The following SLC10A7 variants were observed in gnomAD, a reference collection of about 807,000 sequenced individuals.
SLC10A7 encodes the protein sodium/bile acid cotransporter 7.
SLC10A7 carries 29 observed loss-of-function variants against 43.2 expected under a neutral mutation model. The ratio of observed to expected loss-of-function variants is 0.67; its 90% CI spans 0.50 to 0.92. SLC10A7 has a LOEUF of 0.92. Ranked by LOEUF, SLC10A7 falls within the 40% of genes least tolerant of loss-of-function variation. The probability of loss-of-function intolerance (pLI) is 0.00; values close to 1 mark genes in which losing one functional copy is unlikely to be tolerated. For synonymous variants in SLC10A7, 152 were observed against 144.8 expected, an observed-to-expected ratio of 1.05 and a Z score of -0.35; for missense variants, 295 against 403.2, an observed-to-expected ratio of 0.73 and a Z score of 2.30.
chr4:146,459,949 A>G (rs1732392338), intron 4 of SLC10A7, among the ~76,000 whole-genome samples: 1 of 151,972 alleles, frequency 6.6e-6, no homozygotes, highest in Admixed American at 6.6e-5. Flanking sequence ...TGCAGAATAT[A>G]TTTTTAAAAC....
At chr4:146,495,169 T>C (rs1735776332) in intron 4 of SLC10A7, among the ~76,000 whole-genome samples, 1 of 152,182 alleles carries the variant, frequency 6.6e-6, no homozygotes, top group South Asian at 2.1e-4. Flanking sequence ...TCTGCCAGCT[T>C]GCAAGAAGGC....
chr4:146,354,190 T>A (rs1735375160), intron 5 of SLC10A7, among the ~76,000 whole-genome samples: 1 of 147,864 alleles, frequency 6.8e-6, no homozygotes, highest in Admixed American at 6.7e-5. Context: ...TTCAGCAAAG[T>A]CTCAGGATAC....
intron 9 of SLC10A7, among the ~76,000 whole-genome samples, chr4:146,288,714 C>T (rs189244925): frequency 6.6e-6 from 1 of 152,286 alleles, no homozygotes; most frequent in East Asian, 1.9e-4. Flanking sequence ...CACTGATTAA[C>T]ATCTCTATTG....
intron 5 of SLC10A7, among the ~76,000 whole-genome samples, chr4:146,411,471 GCTTATTTTTTAAA>G (rs1293511152): frequency 1.3e-5 from 2 of 152,076 alleles, no homozygotes; most frequent in African/African-American, 4.8e-5. Context: ...AGAAGGAATG[GCTTATTTTTTAAA>G]CTCTTCTAAC....
chr4:146,468,416 T>A (rs1001850493), intron 4 of SLC10A7, among the ~76,000 whole-genome samples: 2 of 151,984 alleles, frequency 1.3e-5, no homozygotes, highest in East Asian at 3.9e-4. Context: ...GGGATGGACA[T>A]GAGGGCATGG....
intron 5 of SLC10A7, among the ~76,000 whole-genome samples, chr4:146,394,656 C>T (rs1409300799): frequency 6.6e-6 from 1 of 152,138 alleles, no homozygotes; most frequent in Non-Finnish European, 1.5e-5. Flanking sequence ...ACCACCGTGC[C>T]CAGCCCCACA....
chr4:146,441,509 G>T (rs1408477823), intron 5 of SLC10A7, among the ~76,000 whole-genome samples: 1 of 152,122 alleles, frequency 6.6e-6, no homozygotes, highest in Non-Finnish European at 1.5e-5. Context: ...GATGTGTATG[G>T]TGCCAAATCA....
At chr4:146,465,105 A>G (rs900217794) in intron 4 of SLC10A7, among the ~76,000 whole-genome samples, 4 of 152,156 alleles carry the variant, frequency 2.6e-5, no homozygotes, top group Non-Finnish European at 5.9e-5. Flanking sequence ...AGTTATTTAT[A>G]GAGTCCAACA....
At chr4:146,367,011 TTTTTTG>T (rs1053788027) in intron 5 of SLC10A7, among the ~76,000 whole-genome samples, 2 of 152,148 alleles carry the variant, frequency 1.3e-5, no homozygotes, top group Admixed American at 6.5e-5. Context: ...TTTTTTGTTT[TTTTTTG>T]TTTTTGTTTT....
intron 2 of SLC10A7, among the ~76,000 whole-genome samples, chr4:146,516,723 A>C (rs1329212191): frequency 6.6e-6 from 1 of 152,132 alleles, no homozygotes; most frequent in Non-Finnish European, 1.5e-5. Context: ...AAATGTGCCC[A>C]GGCATAGCAG....
At chr4:146,374,241 G>C (rs1560846367) in intron 5 of SLC10A7, among the ~76,000 whole-genome samples, 1 of 152,140 alleles carries the variant, frequency 6.6e-6, no homozygotes, top group Non-Finnish European at 1.5e-5. Context: ...ATCTAGCACA[G>C]GGCCTATTAT....
Position 146,258,734 on chromosome 4 carries a change from C to G in SLC10A7, c.951G>C (p.Val317=). 2.5e-6 allele frequency: 4 copies of G among 1,607,666 alleles called. No homozygotes were observed. Among genetic ancestry groups the G allele is most frequent in the Non-Finnish European group, 3.4e-6 (4 of 1,178,654 alleles). ...YHPAQILLGS[V]LVPTIKSWMV... ...TCCAAGACTTGATTGTTGGCACCAACACACTTCCCAGAAGGATCTGAGCTG... is the reference window on the plus strand; with the variant it reads ...TCCAAGACTTGATTGTTGGCACCAAGACACTTCCCAGAAGGATCTGAGCTG... The change falls in exon 11 of 12, where the codon GTG becomes GTC. Residue 317 remains valine, a synonymous_variant. Transcript: ENST00000335472.
chr4:146,375,849 T>A (rs990559297), intron 5 of SLC10A7, among the ~76,000 whole-genome samples: 2 of 152,112 alleles, frequency 1.3e-5, no homozygotes, highest in Non-Finnish European at 2.9e-5. Context: ...TAGTGTCGGA[T>A]CCCACAGGTT....
chr4:146,284,384 C>G (rs914492262), intron 9 of SLC10A7, among the ~76,000 whole-genome samples: 1 of 152,158 alleles, frequency 6.6e-6, no homozygotes, highest in Non-Finnish European at 1.5e-5. Context: ...AAACTCTTCC[C>G]TAAATAGATC....
intron 5 of SLC10A7, among the ~76,000 whole-genome samples, chr4:146,345,684 C>T (rs544324371): frequency 6.6e-6 from 1 of 152,172 alleles, no homozygotes; most frequent in African/African-American, 2.4e-5. Context: ...GTGATTATTT[C>T]ATTAATGCCT....
intron 5 of SLC10A7, among the ~76,000 whole-genome samples, chr4:146,404,126 C>A (rs1202353477): frequency 1.3e-5 from 2 of 152,152 alleles, no homozygotes; most frequent in African/African-American, 4.8e-5. Context: ...AAGTGATCCT[C>A]CCACCTCAGC....
chr4:146,314,898 A>G (rs1251195160), intron 6 of SLC10A7, among the ~76,000 whole-genome samples: 2 of 152,122 alleles, frequency 1.3e-5, no homozygotes, highest in Admixed American at 6.6e-5. Context: ...TGACAACACC[A>G]TCCAATATAT....
At chr4:146,419,298 A>G (rs1035977244) in intron 5 of SLC10A7, among the ~76,000 whole-genome samples, 15 of 152,182 alleles carry the variant, frequency 9.9e-5, no homozygotes, top group African/African-American at 3.6e-4. Context: ...GCAACTATCT[A>G]GAGGCCAATA....
intron 6 of SLC10A7, among the ~76,000 whole-genome samples, chr4:146,310,497 C>G (rs1365829466): frequency 2.0e-5 from 3 of 152,048 alleles, no homozygotes; most frequent in Non-Finnish European, 4.4e-5. Flanking sequence ...TGTTTTTTCA[C>G]TTTCTAATAG....
Sources: gnomAD v4.1 joint callset for allele counts (sites outside exome capture counted in the v4.1 genomes callset) on GRCh38, gnomAD v4.1.1 for gene constraint, MANE v1.5 for transcripts, NCBI Gene and HGNC (gene_info 2026-07-23, HGNC 2026-07-21) for gene names.